The following RMDN2 variants were observed in gnomAD, a reference collection of about 807,000 sequenced individuals.
The protein encoded by RMDN2 is regulator of microtubule dynamics protein 2.
In RMDN2, 61 loss-of-function variants were observed where a neutral mutation model predicts 52.8. The observed-to-expected ratio is 1.16, with a 90% CI of 0.94 to 1.43. RMDN2 has a LOEUF of 1.43. Ranked by LOEUF, RMDN2 falls within the 40% of genes most tolerant of loss-of-function variation. The pLI, the probability that RMDN2 is intolerant of heterozygous loss-of-function variation, is 0.00. For missense variants in RMDN2, 592 were observed against 475.3 expected (o/e 1.25, Z -2.28); for synonymous variants, 180 against 153.1 (o/e 1.18, Z -1.30).
chr2:38,047,525 A>C (rs1478786310), intron 10 of RMDN2, among the ~76,000 whole-genome samples: 1 of 152,226 alleles, frequency 6.6e-6, no homozygotes. Context: ...AAACAAACAA[A>C]CACAAAACAC....
chr2:37,975,891 TG>T (rs1354304817), intron 4 of RMDN2, among the ~76,000 whole-genome samples: 1 of 152,174 alleles, frequency 6.6e-6, no homozygotes, highest in Non-Finnish European at 1.5e-5. Flanking sequence ...AATAGGTAAC[TG>T]AAAAAAACTT....
intron 2 of RMDN2, among the ~76,000 whole-genome samples, chr2:37,937,692 T>A (rs1217383795): frequency 6.6e-6 from 1 of 152,178 alleles, no homozygotes; most frequent in African/African-American, 2.4e-5. Flanking sequence ...GATTTGACTC[T>A]CTATTATTGG....
intron 10 of RMDN2, among the ~76,000 whole-genome samples, chr2:38,061,464 C>G (rs1043359671): frequency 2.0e-5 from 3 of 151,952 alleles, no homozygotes; most frequent in African/African-American, 7.3e-5. Flanking sequence ...GAATTGCAAC[C>G]CTCTTTTTTT....
At position 37,951,558 on chromosome 2, in the gene RMDN2, G is replaced by A. The variant is rs548414832; in HGVS notation, c.452+21829G>A. 21 of 1,612,812 alleles carry A rather than the reference G, an allele frequency of 1.3e-5. No homozygotes were observed. The South Asian group carries it at 2.1e-4, about 16-fold the overall frequency. ...CTTCACTGATATAAAATCTTCCTCA[G>A]ACCATTGTGGTAGCTTTATTTCCCG... On this transcript the variant is annotated intron_variant, in intron 2 of 10. Transcript: ENST00000354545.
chr2:37,990,566 T>C (rs1388190408), intron 6 of RMDN2, among the ~76,000 whole-genome samples: 1 of 118,858 alleles, frequency 8.4e-6, no homozygotes, highest in Non-Finnish European at 1.7e-5. Context: ...ATAAGCTCAA[T>C]AACATCTTAA....
At chr2:37,962,388 G>A (rs1670359910) in intron 2 of RMDN2, among the ~76,000 whole-genome samples, 2 of 152,184 alleles carry the variant, frequency 1.3e-5, no homozygotes, top group Admixed American at 1.3e-4. Context: ...GAGATTTCCT[G>A]CCCAGAGAGG....
At chr2:37,950,958 G>C (rs1374730683) in intron 2 of RMDN2, among the ~76,000 whole-genome samples, 1 of 152,030 alleles carries the variant, frequency 6.6e-6, no homozygotes, top group Non-Finnish European at 1.5e-5. Flanking sequence ...CTGCTTCCCT[G>C]ATTTTTTCAA....
At chr2:38,055,880 A>C (rs1418736586) in intron 10 of RMDN2, among the ~76,000 whole-genome samples, 5 of 152,204 alleles carry the variant, frequency 3.3e-5, no homozygotes, top group Non-Finnish European at 7.4e-5. Context: ...CTGTGAGTTG[A>C]GACAGAGTCA....
rs753138713 is a variant in RMDN2, at chr2:37,989,511, ACTGTTTTTGT to A, written c.792-18_792-9del. The stretch of plus-strand genomic sequence containing the variant: ...TTTGTTAAAAATTTACACAGTGGCC[ACTGTTTTTGT>A]CTGTTTTTGTCCTTTTCAGGTATGC... On this transcript the variant is annotated intron_variant, in intron 5 of 10. Transcript: ENST00000354545. 2.3e-5 allele frequency: 34 copies of A among 1,497,360 alleles called. No homozygotes were observed. In the Middle Eastern group the frequency reaches 5.2e-4, roughly 23 times the overall value. The allele number at this position is 1,497,360 out of a possible 1,614,324, so 92.8% of individuals were successfully genotyped here. A position where few individuals can be genotyped will look rare whatever the true frequency, so the allele number is the denominator to read the frequency against.
At chr2:38,062,058 C>G (rs1350330441) in intron 10 of RMDN2, among the ~76,000 whole-genome samples, 1 of 152,222 alleles carries the variant, frequency 6.6e-6, no homozygotes, top group Non-Finnish European at 1.5e-5. Context: ...AATGTCAGTT[C>G]AGCTTCACTT....
chr2:38,042,812 T>C (rs1054281801), intron 10 of RMDN2, among the ~76,000 whole-genome samples: 7 of 152,220 alleles, frequency 4.6e-5, no homozygotes, highest in African/African-American at 1.4e-4. Flanking sequence ...GATTTTCCAA[T>C]TATCTTTCTG....
At chr2:38,034,201 G>C (rs1680418267) in intron 10 of RMDN2, among the ~76,000 whole-genome samples, 1 of 152,198 alleles carries the variant, frequency 6.6e-6, no homozygotes, top group African/African-American at 2.4e-5. Context: ...AGATGTGTCA[G>C]CTCTTATCCC....
chr2:38,062,023 G>T (rs1176259250), intron 10 of RMDN2, among the ~76,000 whole-genome samples: 1 of 152,150 alleles, frequency 6.6e-6, no homozygotes, highest in Non-Finnish European at 1.5e-5. Flanking sequence ...TTCCTTGTCT[G>T]CCAGCAGCTG....
chr2:38,042,318 C>T (rs1681003096), intron 10 of RMDN2, among the ~76,000 whole-genome samples: 1 of 151,680 alleles, frequency 6.6e-6, no homozygotes. Flanking sequence ...TGATATTAGT[C>T]ATTTGTATCT....
At chr2:37,949,628 G>A (rs1399323961) in intron 2 of RMDN2, among the ~76,000 whole-genome samples, 5 of 152,144 alleles carry the variant, frequency 3.3e-5, no homozygotes, top group Non-Finnish European at 7.4e-5. Context: ...ATTGTATGGT[G>A]AACGTTAGAG....
intron 6 of RMDN2, among the ~76,000 whole-genome samples, chr2:37,990,101 C>T (rs538896575): frequency 1.3e-5 from 2 of 149,176 alleles, no homozygotes; most frequent in Non-Finnish European, 3.0e-5. Context: ...CAGGGTCACG[C>T]CACTGCACTC....
intron 2 of RMDN2, among the ~76,000 whole-genome samples, chr2:37,969,668 T>A (rs1226404033): frequency 1.3e-5 from 2 of 152,048 alleles, no homozygotes; most frequent in South Asian, 2.1e-4. Flanking sequence ...TTTGTTTTTC[T>A]TTTAATATTG....
chr2:37,929,359 C>T lies in RMDN2; in HGVS notation c.82C>T (p.His28Tyr). 2 of 1,551,812 alleles carry T rather than the reference C, an allele frequency of 1.3e-6. No homozygotes were observed. The highest frequency in any genetic ancestry group is 1.7e-6 in the Non-Finnish European group (2 of 1,146,872). The change falls in exon 2 of 11, where the codon CAC (histidine) becomes TAC (tyrosine). Residue 28 changes from histidine to tyrosine, a missense_variant. Coordinates refer to ENST00000354545, the MANE Select transcript of RMDN2 (RefSeq NM_001170791.3). ...AGISLLLLWY[H>Y]KVRKPGIAMK... is the part of the protein sequence containing the mutation. ...AATCAGCTTGCTGCTCTTGTGGTACCACAAGGTCCGTAAACCAGGGATAGC... is the reference window on the plus strand; with the variant it reads ...AATCAGCTTGCTGCTCTTGTGGTACTACAAGGTCCGTAAACCAGGGATAGC...
chr2:37,932,669 C>T (rs1315537958), intron 2 of RMDN2, among the ~76,000 whole-genome samples: 1 of 147,152 alleles, frequency 6.8e-6, no homozygotes, highest in Non-Finnish European at 1.5e-5. Context: ...CCTCACGGGG[C>T]GGCTGGCCGG....
Sources: gnomAD v4.1 joint callset for allele counts (sites outside exome capture counted in the v4.1 genomes callset) on GRCh38, gnomAD v4.1.1 for gene constraint, MANE v1.5 for transcripts, NCBI Gene and HGNC (gene_info 2026-07-23, HGNC 2026-07-21) for gene names.